BACH2: variants seen among roughly 807,000 people sequenced by gnomAD.
BACH2 encodes the protein BACH transcriptional regulator 2.
BACH2 carries 5 observed loss-of-function variants against 61.8 expected under a neutral mutation model. That is an observed-to-expected ratio of 0.08 (90% CI 0.04 to 0.17). The LOEUF (loss-of-function observed/expected upper bound fraction) is 0.17, where lower values mean the gene tolerates loss of function less well. Among genes scored for constraint, BACH2 ranks in the 10% least tolerant of loss-of-function variants. The probability of loss-of-function intolerance (pLI) is 1.00; values close to 1 mark genes in which losing one functional copy is unlikely to be tolerated. For synonymous variants in BACH2, 446 were observed against 440.1 expected, an observed-to-expected ratio of 1.01 and a Z score of -0.17; for missense variants, 824 against 1,091.1, an observed-to-expected ratio of 0.76 and a Z score of 3.45.
chr6:89,952,918 C>G (rs1462132270), intron 6 of BACH2: 1 of 152,230 alleles, frequency 6.6e-6, no homozygotes, highest in Non-Finnish European at 1.5e-5. Flanking sequence ...GGTAAGCTTC[C>G]TTACCCTGCA....
intron 4 of BACH2, among the ~76,000 whole-genome samples, chr6:90,128,860 C>T (rs1418649185): frequency 6.6e-6 from 1 of 152,120 alleles, no homozygotes; most frequent in Non-Finnish European, 1.5e-5. Context: ...GGCACATATA[C>T]ACCATGGAAT....
intron 3 of BACH2, among the ~76,000 whole-genome samples, chr6:90,249,602 T>C (rs1490970090): frequency 1.3e-5 from 2 of 152,000 alleles, no homozygotes; most frequent in African/African-American, 4.8e-5. Flanking sequence ...GAGACTCCCA[T>C]CTCTACTACA....
intron 3 of BACH2, among the ~76,000 whole-genome samples, chr6:90,227,838 G>A (rs573352597): frequency 6.6e-6 from 1 of 151,864 alleles, no homozygotes; most frequent in Non-Finnish European, 1.5e-5. Flanking sequence ...AGTATTCTTG[G>A]TATTAAATCT....
intron 4 of BACH2, among the ~76,000 whole-genome samples, chr6:90,188,296 A>G (rs1415539208): frequency 1.3e-5 from 2 of 152,218 alleles, no homozygotes; most frequent in East Asian, 3.8e-4. Flanking sequence ...ATAGAATGTC[A>G]GTAGACACAC....
intron 4 of BACH2, among the ~76,000 whole-genome samples, chr6:90,126,894 C>A (rs1197761724): frequency 6.6e-6 from 1 of 152,186 alleles, no homozygotes; most frequent in Non-Finnish European, 1.5e-5. Context: ...GATAAAACTG[C>A]AAAATGGGAG....
intron 5 of BACH2, among the ~76,000 whole-genome samples, chr6:90,048,120 T>C (rs1361949591): frequency 6.7e-6 from 1 of 149,552 alleles, no homozygotes; most frequent in African/African-American, 2.5e-5. Context: ...TCTAGGTCTT[T>C]CTATTTTTTT....
intron 4 of BACH2, among the ~76,000 whole-genome samples, chr6:90,126,471 C>G (rs780912722): frequency 6.6e-6 from 1 of 151,808 alleles, no homozygotes; most frequent in Non-Finnish European, 1.5e-5. Context: ...TATTTAGTTA[C>G]GGGATGAAGA....
rs191025192 is a variant in BACH2, at chr6:90,171,540, T to C, written c.-162+35029A>G. Among the ~76,000 whole-genome samples the C allele has an allele frequency of 1.4e-3, 213 of 152,114 alleles. No homozygotes were observed. In the South Asian group the frequency reaches 0.021, roughly 15 times the overall value. Reference sequence around the variant, plus strand: ...TGAGTTGGAAATGACTACAAACACATAGCAGAAGCAAATACAAAGCCTCTC... The same window carrying C: ...TGAGTTGGAAATGACTACAAACACACAGCAGAAGCAAATACAAAGCCTCTC... On this transcript the variant is annotated intron_variant, in intron 4 of 8. Coordinates refer to ENST00000257749, the MANE Select transcript of BACH2 (RefSeq NM_021813.4).
At chr6:89,991,760 A>G (rs1776587797) in intron 6 of BACH2, among the ~76,000 whole-genome samples, 1 of 151,462 alleles carries the variant, frequency 6.6e-6, no homozygotes, top group East Asian at 1.9e-4. Flanking sequence ...CACTCATTAC[A>G]TTTGGTCTCA....
At chr6:90,042,761 T>C (rs1034712629) in intron 5 of BACH2, among the ~76,000 whole-genome samples, 2 of 152,240 alleles carry the variant, frequency 1.3e-5, no homozygotes, top group Non-Finnish European at 2.9e-5. Flanking sequence ...TAATCTTTAA[T>C]AGGCATTCAT....
chr6:90,101,952 T>C (rs1782646794), intron 4 of BACH2, among the ~76,000 whole-genome samples: 1 of 152,226 alleles, frequency 6.6e-6, no homozygotes, highest in Non-Finnish European at 1.5e-5. Context: ...TCATTTTTCT[T>C]GCTAGGGTAC....
chr6:90,183,125 C>T (rs1768225438), intron 4 of BACH2, among the ~76,000 whole-genome samples: 1 of 152,142 alleles, frequency 6.6e-6, no homozygotes, highest in African/African-American at 2.4e-5. Context: ...TGTGTGTGTG[C>T]ACGGAAGGCC....
chr6:90,096,052 A>T (rs1782369882), intron 4 of BACH2, among the ~76,000 whole-genome samples: 1 of 152,318 alleles, frequency 6.6e-6, no homozygotes, highest in African/African-American at 2.4e-5. Context: ...TTCTTCTGCG[A>T]AGGAAACATG....
chr6:90,294,030 A>AC (rs1380096180), intron 1 of BACH2, among the ~76,000 whole-genome samples: 2 of 152,074 alleles, frequency 1.3e-5, no homozygotes. Flanking sequence ...CCTCTCTTTC[A>AC]CCTCACCCCT....
intron 2 of BACH2, among the ~76,000 whole-genome samples, chr6:90,258,646 G>C (rs953423495): frequency 1.3e-5 from 2 of 152,110 alleles, no homozygotes; most frequent in Non-Finnish European, 1.5e-5. Context: ...TCTGTATATT[G>C]CTTTGGGTAC....
At chr6:90,184,355 A>G (rs1768273692) in intron 4 of BACH2, among the ~76,000 whole-genome samples, 1 of 152,202 alleles carries the variant, frequency 6.6e-6, no homozygotes, top group African/African-American at 2.4e-5. Context: ...AAGACTGATG[A>G]AAGAGAGTAA....
chr6:90,196,678 C>T (rs966083176), intron 4 of BACH2, among the ~76,000 whole-genome samples: 2 of 152,046 alleles, frequency 1.3e-5, no homozygotes, highest in Admixed American at 6.6e-5. Flanking sequence ...CTACAGTTCT[C>T]ATTAACAGGT....
intron 4 of BACH2, among the ~76,000 whole-genome samples, chr6:90,121,094 TAAAG>T (rs989208521): frequency 4.6e-5 from 7 of 152,122 alleles, no homozygotes; most frequent in Admixed American, 2.0e-4. Context: ...ATTCCTCACT[TAAAG>T]AGACTGAAAA....
At chr6:89,938,955 T>C (rs1436273532) in intron 7 of BACH2, among the ~76,000 whole-genome samples, 1 of 152,220 alleles carries the variant, frequency 6.6e-6, no homozygotes, top group Non-Finnish European at 1.5e-5. Flanking sequence ...CTCTCTGAGA[T>C]TCAATTTCCT....
Sources: allele counts gnomAD v4.1 joint callset (sites outside exome capture counted in the v4.1 genomes callset), GRCh38; gene constraint gnomAD v4.1.1; transcripts MANE v1.5; gene names NCBI Gene and HGNC (gene_info 2026-07-23, HGNC 2026-07-21).